The following TIMD4 variants were observed in gnomAD, a reference collection of about 807,000 sequenced individuals.
TIMD4 encodes the protein T-cell immunoglobulin and mucin domain-containing protein 4.
A neutral mutation model predicts 41.2 loss-of-function variants in TIMD4; 31 were observed. That is an observed-to-expected ratio of 0.75 (90% CI 0.57 to 1.01). The LOEUF is 1.01. TIMD4 is among the 50% of genes least tolerant of loss of function. TIMD4 has a pLI of 0.00. For synonymous variants in TIMD4, 204 were observed against 177.1 expected (o/e 1.15, Z -1.21); for missense variants, 479 against 472.5 (o/e 1.01, Z -0.13).
At chr5:156,933,785 C>A (rs1759489506) in intron 5 of TIMD4, among the ~76,000 whole-genome samples, 1 of 152,044 alleles carries the variant, frequency 6.6e-6, no homozygotes, top group Admixed American at 6.5e-5. Flanking sequence ...AACTCCTGAC[C>A]TTGAGGAGCT....
In TIMD4 at chr5:156,919,530, A is replaced by T. The variant is rs765507607; in HGVS notation, c.1064T>A (p.Ile355Asn). The T allele has an allele frequency of 1.2e-6, 2 of 1,613,912 alleles. No homozygotes were observed. Among genetic ancestry groups the T allele is most frequent in the South Asian group, 2.2e-5 (2 of 91,074 alleles). ...ATTGAGGACATTTTTACTATCTCCA[A>T]TGTAGTCTAGCCTGTAAACAGAAAA... ...CSQKHTRLDY[I>N]GDSKNVLNDV... The change falls in exon 9 of 9, where the codon ATT (isoleucine) becomes AAT (asparagine). Residue 355 changes from isoleucine (I) to asparagine (N), a missense_variant. Transcript: ENST00000274532.
At chr5:156,948,026 A>C (rs149419580) in intron 5 of TIMD4, among the ~76,000 whole-genome samples, 10 of 152,328 alleles carry the variant, frequency 6.6e-5, no homozygotes, top group African/African-American at 2.4e-4. Context: ...CAACAGAGGG[A>C]CTTCAGAGAT....
At position 156,926,091 on chromosome 5, in the gene TIMD4, A is replaced by T. The variant is rs181759977; in HGVS notation, c.894+172T>A. Among the ~76,000 whole-genome samples, 323 of 152,196 alleles carry T rather than the reference A, an allele frequency of 2.1e-3. 2 individuals are homozygous for T. Among genetic ancestry groups the T allele is most frequent in the African/African-American group, 7.6e-3 (316 of 41,530 alleles). On this transcript the variant is annotated intron_variant, in intron 6 of 8. Coordinates refer to ENST00000274532, the MANE Select transcript of TIMD4 (RefSeq NM_138379.3). ...GCTAATTTTTGCATTTTTGATAGAGATGGGGTTTTGCCGTGTTGGCCAGGG... is the reference window on the plus strand; with the variant it reads ...GCTAATTTTTGCATTTTTGATAGAGTTGGGGTTTTGCCGTGTTGGCCAGGG...
At chr5:156,940,395 G>A (rs1227834460) in intron 5 of TIMD4, among the ~76,000 whole-genome samples, 1 of 152,036 alleles carries the variant, frequency 6.6e-6, no homozygotes, top group Non-Finnish European at 1.5e-5. Flanking sequence ...AGGAAGTGAG[G>A]AGCGTCTCTG....
In TIMD4 at chr5:156,936,543, C is replaced by A. The variant is rs1021437346; in HGVS notation, c.845-10231G>T. ...GGAAGGGACAGAGCAAATCTTGGAG[C>A]CAGGATCATTTAACTTCAAAGCCCA... On this transcript the variant is annotated intron_variant, in intron 5 of 8. Coordinates refer to ENST00000274532, the MANE Select transcript of TIMD4 (RefSeq NM_138379.3). Among the ~76,000 whole-genome samples the A allele has an allele frequency of 2.6e-5, 4 of 152,074 alleles. No individual in the cohort carries two copies. The East Asian group carries it at 5.8e-4, about 22-fold the overall frequency.
At chr5:156,934,128 C>T (rs1759496316) in intron 5 of TIMD4, among the ~76,000 whole-genome samples, 1 of 152,112 alleles carries the variant, frequency 6.6e-6, no homozygotes, top group African/African-American at 2.4e-5. Context: ...AATATCATCC[C>T]CGTTCCCATC....
At chr5:156,932,091 G>T (rs550736667) in intron 5 of TIMD4, among the ~76,000 whole-genome samples, 1 of 152,138 alleles carries the variant, frequency 6.6e-6, no homozygotes, top group South Asian at 2.1e-4. Flanking sequence ...TTAAATATTT[G>T]CATACTTATT....
intron 1 of TIMD4, among the ~76,000 whole-genome samples, chr5:156,961,826 A>G (rs1378688057): frequency 6.8e-6 from 1 of 146,546 alleles, no homozygotes; most frequent in South Asian, 2.1e-4. Flanking sequence ...AAAAAAAAAA[A>G]AAAAAAAAAA....
chr5:156,927,026 A>T (rs1759360106), intron 5 of TIMD4, among the ~76,000 whole-genome samples: 1 of 152,208 alleles, frequency 6.6e-6, no homozygotes, highest in Non-Finnish European at 1.5e-5. Context: ...ACCCTCAAGA[A>T]ATTTACAGTC....
In TIMD4 at chr5:156,959,440, A is replaced by C. The variant is rs113852957; in HGVS notation, c.58+3701T>G. On this transcript the variant is annotated intron_variant, in intron 1 of 8. Transcript: ENST00000274532. The stretch of plus-strand genomic sequence containing the variant: ...ATTAATACGCGTAACAAAGGACATT[A>C]GAATTTAGAAATAAGACAAAAAAAA... Among the ~76,000 whole-genome samples, 1,410 of 152,320 alleles carry C rather than the reference A, an allele frequency of 9.3e-3. 4 individuals are homozygous for C. The highest frequency in any genetic ancestry group is 0.012 in the African/African-American group (512 of 41,560).
At chr5:156,925,037 G>T (rs1399518255) in intron 6 of TIMD4, among the ~76,000 whole-genome samples, 1 of 152,190 alleles carries the variant, frequency 6.6e-6, no homozygotes, top group Admixed American at 6.5e-5. Context: ...GGCCAGGCAT[G>T]TTGGCTCACG....
intron 5 of TIMD4, among the ~76,000 whole-genome samples, chr5:156,930,919 C>T (rs1175635973): frequency 6.6e-6 from 1 of 152,098 alleles, no homozygotes; most frequent in African/African-American, 2.4e-5. Flanking sequence ...AGATATTTTG[C>T]AATGTCATTA....
At chr5:156,958,229 A>T (rs1760010717) in intron 1 of TIMD4, among the ~76,000 whole-genome samples, 1 of 151,824 alleles carries the variant, frequency 6.6e-6, no homozygotes, top group South Asian at 2.1e-4. Flanking sequence ...CCAAGATCAC[A>T]CCATTGCACT....
At chr5:156,933,480 A>G (rs1381259537) in intron 5 of TIMD4, among the ~76,000 whole-genome samples, 2 of 143,190 alleles carry the variant, frequency 1.4e-5, no homozygotes, top group Admixed American at 1.4e-4. Context: ...AAAAGCTGAA[A>G]AGTGAAAGGA....
At chr5:156,946,184 G>A (rs996170792) in intron 5 of TIMD4, among the ~76,000 whole-genome samples, 1 of 152,142 alleles carries the variant, frequency 6.6e-6, no homozygotes, top group Non-Finnish European at 1.5e-5. Flanking sequence ...GTGTTAGAAT[G>A]TTCTCCCTAC....
chr5:156,927,003 C>T (rs149227414), intron 5 of TIMD4, among the ~76,000 whole-genome samples: 2,189 of 152,246 alleles, frequency 0.014, 26 homozygotes, highest in Non-Finnish European at 0.021. Flanking sequence ...TGTGAGACTG[C>T]GGCATGGCCC....
At chr5:156,930,425 T>C (rs60625760) in intron 5 of TIMD4, among the ~76,000 whole-genome samples, 5,006 of 152,348 alleles carry the variant, frequency 0.033, 268 homozygotes, top group African/African-American at 0.12. Context: ...TAAATACCTA[T>C]ACTGTTAACA....
intron 5 of TIMD4, among the ~76,000 whole-genome samples, chr5:156,933,859 C>T (rs1257945744): frequency 6.6e-6 from 1 of 152,176 alleles, no homozygotes; most frequent in African/African-American, 2.4e-5. Flanking sequence ...CGTGCCCGGC[C>T]CTTTCTGGCC....
At chr5:156,935,681 G>A (rs1028182644) in intron 5 of TIMD4, 5 of 152,178 alleles carry the variant, frequency 3.3e-5, no homozygotes, top group Non-Finnish European at 7.3e-5. Flanking sequence ...GAACACCATT[G>A]TTCAAGAGGC....
Sources: allele counts gnomAD v4.1 joint callset (sites outside exome capture counted in the v4.1 genomes callset), GRCh38; gene constraint gnomAD v4.1.1; transcripts MANE v1.5; gene names NCBI Gene and HGNC (gene_info 2026-07-23, HGNC 2026-07-21).